Variants in BRCA2 observed in about 807,000 individuals in gnomAD.
The protein encoded by BRCA2 is breast cancer type 2 susceptibility protein.
BRCA2 carries 203 observed loss-of-function variants against 276.7 expected under a neutral mutation model. That is an observed-to-expected ratio of 0.73 (90% CI 0.65 to 0.82). The LOEUF is 0.82. Among genes scored for constraint, BRCA2 ranks in the 40% least tolerant of loss-of-function variants. The pLI, the probability that BRCA2 is intolerant of heterozygous loss-of-function variation, is 0.00. For synonymous variants in BRCA2, 1,289 were observed against 1,338.4 expected, an observed-to-expected ratio of 0.96 and a Z score of 0.81; for missense variants, 3,920 against 3,915.0, an observed-to-expected ratio of 1.00 and a Z score of -0.03.
intron 11 of BRCA2, among the ~76,000 whole-genome samples, chr13:32,343,369 A>G (rs1206177074): frequency 2.2e-4 from 34 of 152,152 alleles, no homozygotes; most frequent in Non-Finnish European, 1.5e-5. Flanking sequence ...TCATAAAAAT[A>G]TTTTAGTTAT....
Position 32,338,949 on chromosome 13 carries a change from GTTAAAA to G in BRCA2, c.4597_4602del (p.Lys1533_Ile1534del). On this transcript the variant is annotated inframe_deletion, in exon 11 of 27. Transcript: ENST00000380152. ...TTTTCATACAGCTAGCGGGAAAAAA[GTTAAAA>G]TTGCAAAGGAATCTTTGGACAAAGT... 1 of 1,613,830 alleles carries G rather than the reference GTTAAAA, an allele frequency of 6.2e-7. No homozygotes were observed. Among genetic ancestry groups the G allele is most frequent in the South Asian group, 1.1e-5 (1 of 91,050 alleles).
chr13:32,366,472 G>A (rs1417805391), intron 18 of BRCA2, among the ~76,000 whole-genome samples: 3 of 152,100 alleles, frequency 2.0e-5, no homozygotes, highest in Non-Finnish European at 4.4e-5. Context: ...AAAACTTGTG[G>A]TTCTGCATTT....
intron 13 of BRCA2, among the ~76,000 whole-genome samples, chr13:32,348,888 T>G (rs913134053): frequency 6.6e-6 from 1 of 152,178 alleles, no homozygotes; most frequent in Admixed American, 6.5e-5. Flanking sequence ...AATAAAGCAG[T>G]ACCTGCATGT....
At position 32,338,405 on chromosome 13, in the gene BRCA2, T is replaced by G. The variant is rs1359369718; in HGVS notation, c.4050T>G (p.His1350Gln). The G allele has an allele frequency of 6.2e-7, 1 of 1,602,442 alleles. No homozygotes were observed. Among genetic ancestry groups the G allele is most frequent in the Non-Finnish European group, 8.5e-7 (1 of 1,176,416 alleles). The change falls in exon 11 of 27, where the codon CAT (histidine) becomes CAG (glutamine). Residue 1350 changes from histidine (H) to glutamine (Q), a missense_variant. This residue lies in a region of BRCA2 where 3,263 missense variants were observed against 3,156.9 expected (regional missense o/e 1.03). Transcript: ENST00000380152. ...GTAAAAATGATACTGTTTGTATTCA[T>G]AAAGATGAAACGGACTTGCTATTTA... Reference protein sequence around the residue: ...DSSKNDTVCIHKDETDLLFTD... With the variant: ...DSSKNDTVCIQKDETDLLFTD...
rs1555288576 is a variant in BRCA2, at chr13:32,380,135, G to A, written c.9246G>A (p.Val3082=). ...VDLIGFVVSV[V]KKTGLAPFVY... Reference sequence around the variant, plus strand: ...TAATAGGATTTGTCGTTTCTGTTGTGAAAAAAACAGGTAATGCACAATATA... The same window carrying A: ...TAATAGGATTTGTCGTTTCTGTTGTAAAAAAAACAGGTAATGCACAATATA... The change falls in exon 24 of 27, where the codon GTG becomes GTA. Residue 3082 remains valine, a synonymous_variant. Transcript: ENST00000380152. The A allele has an allele frequency of 3.1e-6, 5 of 1,610,690 alleles. No individual in the cohort carries two copies.
chr13:32,316,542 T>A lies in BRCA2; in HGVS notation c.67+15T>A. On this transcript the variant is annotated intron_variant, in intron 2 of 26. Coordinates refer to ENST00000380152, the MANE Select transcript of BRCA2 (RefSeq NM_000059.4). ...CAACAAAGCAGGTATTGACAAATTT[T>A]ATATAACTTTATAAATTACACCGAG... is the stretch of plus-strand genomic sequence containing the variant. The A allele has an allele frequency of 6.2e-7, 1 of 1,601,358 alleles. No homozygotes were observed. The highest frequency in any genetic ancestry group is 8.6e-7 in the Non-Finnish European group (1 of 1,169,328).
chr13:32,368,608 G>A (rs9634798), intron 18 of BRCA2, among the ~76,000 whole-genome samples: 1 of 151,618 alleles, frequency 6.6e-6, no homozygotes, highest in East Asian at 1.9e-4. Context: ...TGATCCAGAA[G>A]TTGTATGTGA....
In BRCA2 at chr13:32,316,598, A is replaced by T; in HGVS notation, c.67+71A>T. ...GTTTTCTAAAAAATGCTTGCTAAAA[A>T]CCCAGTACGTCACAGTGTTGCTTAG... On this transcript the variant is annotated intron_variant, in intron 2 of 26. Transcript: ENST00000380152. 5.3e-6 allele frequency: 7 copies of T among 1,326,310 alleles called. No homozygotes were observed. The South Asian group carries it at 8.7e-5, about 16-fold the overall frequency. 82.2% of individuals were successfully genotyped at this position (1,326,310 alleles called of 1,614,324 possible). A position where few individuals can be genotyped will look rare whatever the true frequency, so the allele number is the denominator to read the frequency against.
In BRCA2 at chr13:32,398,673, CT is replaced by C; in HGVS notation, c.10161del (p.Thr3388HisfsTer3). Reference protein sequence around the residue: ...EDYLRLKRRCTTSLIKEQESS... With the variant: ...EDYLRLKRRCXTSLIKEQESS... ...TATCTCAGACTGAAACGACGTTGTA[CT>C]ACATCTCTGATCAAAGAACAGGAGA... is the stretch of plus-strand genomic sequence containing the variant. On this transcript the variant is annotated frameshift_variant, in exon 27 of 27. Coordinates refer to ENST00000380152, the MANE Select transcript of BRCA2 (RefSeq NM_000059.4). LOFTEE classifies it low-confidence loss of function (END_TRUNC). The C allele has an allele frequency of 6.2e-7, 1 of 1,614,174 alleles. No homozygotes were observed. The highest frequency in any genetic ancestry group is 8.5e-7 in the Non-Finnish European group (1 of 1,180,022).
intron 13 of BRCA2, among the ~76,000 whole-genome samples, chr13:32,350,912 T>A (rs2072644923): frequency 6.6e-6 from 1 of 152,172 alleles, no homozygotes; most frequent in African/African-American, 2.4e-5. Flanking sequence ...GGAGAACTTT[T>A]CTGTCCGGCT....
chr13:32,315,922 G>A (rs182564531), intron 1 of BRCA2, among the ~76,000 whole-genome samples: 13 of 152,346 alleles, frequency 8.5e-5, no homozygotes, highest in Admixed American at 8.5e-4. Context: ...TTCAGCTCAA[G>A]ACTTAACTTC....
chr13:32,376,208 C>T (rs1375372275), intron 20 of BRCA2, among the ~76,000 whole-genome samples: 1 of 150,632 alleles, frequency 6.6e-6, no homozygotes, highest in Non-Finnish European at 1.5e-5. Flanking sequence ...CATGAGTACA[C>T]TGGTTTCAAA....
At chr13:32,343,854 C>T (rs1428202993) in intron 11 of BRCA2, among the ~76,000 whole-genome samples, 1 of 152,066 alleles carries the variant, frequency 6.6e-6, no homozygotes. Flanking sequence ...AATTAAACCA[C>T]TTTTATAATA....
intron 10 of BRCA2, 58 bp downstream of exon 10, chr13:32,333,445 C>A: frequency 1.3e-6 from 2 of 1,545,888 alleles, no homozygotes; most frequent in South Asian, 1.2e-5. Flanking sequence ...ATGACGATTC[C>A]TTCTGTGTTT....
At position 32,379,360 on chromosome 13, in the gene BRCA2, G is replaced by C. The variant is rs553440338; in HGVS notation, c.8798G>C (p.Arg2933Thr). ...EEQLRALNNH[R>T]QMLNDKKQAQ... ...CAGTTAAGAGCCTTGAATAATCACAGGCAAATGTTGAATGATAAGAAACAA... is the reference window on the plus strand; with the variant it reads ...CAGTTAAGAGCCTTGAATAATCACACGCAAATGTTGAATGATAAGAAACAA... Residue 2933 changes from arginine (R) to threonine (T), a missense_variant, in exon 22 of 27, where the codon AGG (arginine) becomes ACG (threonine). By Grantham distance (71) the Arg-to-Thr change is moderately conservative (BLOSUM62 -1). This residue lies in a region of BRCA2 where 657 missense variants were observed against 758.2 expected (regional missense o/e 0.87). Coordinates refer to ENST00000380152, the MANE Select transcript of BRCA2 (RefSeq NM_000059.4). 3.1e-6 allele frequency: 5 copies of C among 1,613,694 alleles called. No homozygotes were observed. Among genetic ancestry groups the C allele is most frequent in the Non-Finnish European group, 4.2e-6 (5 of 1,179,880 alleles).
At position 32,347,011 on chromosome 13, in the gene BRCA2, T is replaced by TTTTATAAAA. The variant is rs11571680; in HGVS notation, c.7007+126_7007+134dup. The stretch of plus-strand genomic sequence containing the variant: ...AACGTTAAGAAGTTAACACTTCCCG[T>TTTTATAAAA]TTTATAAAATTTATAAAATACTTTG... On this transcript the variant is annotated intron_variant, in intron 13 of 26. Coordinates refer to ENST00000380152, the MANE Select transcript of BRCA2 (RefSeq NM_000059.4). 25,610 of 717,062 alleles carry TTTTATAAAA rather than the reference T, an allele frequency of 0.036. 916 individuals are homozygous for TTTTATAAAA. Among genetic ancestry groups the TTTTATAAAA allele is most frequent in the East Asian group, 0.11 (3,974 of 35,582 alleles). 44.4% of individuals were successfully genotyped at this position (717,062 alleles called of 1,614,324 possible). A position where few individuals can be genotyped will look rare whatever the true frequency, so the allele number is the denominator to read the frequency against.
At chr13:32,359,637 T>G (rs2072725356) in intron 16 of BRCA2, among the ~76,000 whole-genome samples, 1 of 152,222 alleles carries the variant, frequency 6.6e-6, no homozygotes. Flanking sequence ...TTGTTTTAAC[T>G]TTTAAAAACA....
intron 5 of BRCA2, 44 bp downstream of exon 5, chr13:32,326,194 TG>T (rs1463950597): frequency 2.9e-5 from 47 of 1,608,900 alleles, no homozygotes; most frequent in Non-Finnish European, 3.4e-5. Flanking sequence ...ATACTAGAAA[TG>T]TTAATAAAAA....
chr13:32,322,353 T>C (rs553504263), intron 3 of BRCA2, among the ~76,000 whole-genome samples: 62 of 152,280 alleles, frequency 4.1e-4, no homozygotes, highest in African/African-American at 1.5e-3. Flanking sequence ...CACAGAAATA[T>C]AGCGGTGTGG....
Sources: gnomAD v4.1 joint callset for allele counts (sites outside exome capture counted in the v4.1 genomes callset) on GRCh38, gnomAD v4.1.1 for gene constraint, gnomAD v4.1.1 regional missense constraint, MANE v1.5 for transcripts, NCBI Gene and HGNC (gene_info 2026-07-23, HGNC 2026-07-21) for gene names.